The following TM4SF4 variants were observed in gnomAD, a reference collection of about 807,000 sequenced individuals.
The protein encoded by TM4SF4 is transmembrane 4 L six family member 4.
A neutral mutation model predicts 24.1 loss-of-function variants in TM4SF4; 24 were observed. That is an observed-to-expected ratio of 1.00 (90% CI 0.72 to 1.40). The LOEUF (loss-of-function observed/expected upper bound fraction) is 1.40, where lower values mean the gene tolerates loss of function less well. TM4SF4 is among the 40% of genes most tolerant of loss of function. The probability of loss-of-function intolerance (pLI) is 0.00; values close to 1 mark genes in which losing one functional copy is unlikely to be tolerated. For missense variants in TM4SF4, 254 were observed against 254.2 expected (o/e 1.00, Z 0.01); for synonymous variants, 113 against 97.0 (o/e 1.17, Z -0.97).
intron 3 of TM4SF4, among the ~76,000 whole-genome samples, chr3:149,490,663 T>C (rs1734193548): frequency 6.6e-6 from 1 of 152,202 alleles, no homozygotes; most frequent in African/African-American, 2.4e-5. Flanking sequence ...TACCTCCTAC[T>C]CCTTTTACTA....
intron 3 of TM4SF4, among the ~76,000 whole-genome samples, chr3:149,490,479 A>C (rs78927161): frequency 6.6e-6 from 1 of 152,314 alleles, no homozygotes; most frequent in South Asian, 2.1e-4. Flanking sequence ...CAGGACAGCC[A>C]AGGCCCAGAG....
intron 2 of TM4SF4, among the ~76,000 whole-genome samples, chr3:149,484,873 A>G (rs1734090756): frequency 6.6e-6 from 1 of 152,172 alleles, no homozygotes; most frequent in African/African-American, 2.4e-5. Flanking sequence ...TTAAACTATA[A>G]CAAGGCCTAG....
Position 149,498,790 on chromosome 3 carries a change from T to G in TM4SF4, c.470T>G (p.Leu157Arg). 6.2e-7 allele frequency: 1 copy of G among 1,614,040 alleles called. No individual in the cohort carries two copies. Among genetic ancestry groups the G allele is most frequent in the East Asian group, 2.2e-5 (1 of 44,884 alleles). The change falls in exon 4 of 5, where the codon CTG (leucine) becomes CGG (arginine). Residue 157 changes from leucine (L) to arginine (R), a missense_variant. Coordinates refer to ENST00000305354, the MANE Select transcript of TM4SF4 (RefSeq NM_004617.4). Reference sequence around the variant, plus strand: ...CCTCTCAATGTGGTTCCCTGGAATCTGACCCTCTTCTCCATCCTGCTGGTC... The same window carrying G: ...CCTCTCAATGTGGTTCCCTGGAATCGGACCCTCTTCTCCATCCTGCTGGTC... ...REPLNVVPWNLTLFSILLVVG... is the reference protein window; with the variant it reads ...REPLNVVPWNRTLFSILLVVG...
intron 3 of TM4SF4, among the ~76,000 whole-genome samples, chr3:149,488,898 A>G (rs1446601590): frequency 6.6e-6 from 1 of 152,166 alleles, no homozygotes; most frequent in East Asian, 1.9e-4. Context: ...ACACCAATAT[A>G]TTAACTCAAA....
intron 3 of TM4SF4, among the ~76,000 whole-genome samples, chr3:149,490,168 G>C (rs1018056067): frequency 7.2e-5 from 11 of 152,190 alleles, no homozygotes; most frequent in Non-Finnish European, 1.2e-4. Flanking sequence ...GCATTCAGGG[G>C]ATGGGCCCAG....
At chr3:149,485,234 T>C (rs1399547796) in intron 2 of TM4SF4, among the ~76,000 whole-genome samples, 1 of 152,250 alleles carries the variant, frequency 6.6e-6, no homozygotes, top group Non-Finnish European at 1.5e-5. Context: ...ACTATATTTT[T>C]AGAAGTGCAG....
rs1734131999 is a variant in TM4SF4 at position 149,487,227 on chromosome 3, A to G, written c.265-392A>G. On this transcript the variant is annotated intron_variant, in intron 2 of 4. Transcript: ENST00000305354. ...CTGAGATCACACCATTGCACTCCAGACTGAGCGACAAGGGTGAAACTCCGT... is the reference window on the plus strand; with the variant it reads ...CTGAGATCACACCATTGCACTCCAGGCTGAGCGACAAGGGTGAAACTCCGT... 2.0e-5 allele frequency among the ~76,000 whole-genome samples: 3 copies of G among 152,158 alleles called. 1 individual carries two copies. The South Asian group carries it at 6.2e-4, about 32-fold the overall frequency.
At chr3:149,496,244 C>G (rs1283844139) in intron 3 of TM4SF4, among the ~76,000 whole-genome samples, 2 of 151,866 alleles carry the variant, frequency 1.3e-5, no homozygotes, top group Admixed American at 6.6e-5. Flanking sequence ...GGGTCTCACT[C>G]TGTCACCCAG....
chr3:149,502,538 A>C, intron 4 of TM4SF4, 138 bp from the exon 5 acceptor site: 1 of 669,174 alleles, frequency 1.5e-6, no homozygotes, highest in East Asian at 2.6e-5. Context: ...AAACAAAGCC[A>C]GAAAAGTATA....
At chr3:149,475,801 G>C (rs1733917564) in intron 1 of TM4SF4, 22 bp from the exon 2 acceptor site, 2 of 1,591,808 alleles carry the variant, frequency 1.3e-6, no homozygotes, top group Non-Finnish European at 1.7e-6. Context: ...GACTCTCTCT[G>C]AGGTGCCTCT....
chr3:149,478,566 C>T lies in TM4SF4; in HGVS notation c.264+2654C>T, dbSNP rs78270114. 5.3e-5 allele frequency among the ~76,000 whole-genome samples: 8 copies of T among 152,318 alleles called. No individual in the cohort carries two copies. In the East Asian group the frequency reaches 1.5e-3, roughly 29 times the overall value. On this transcript the variant is annotated intron_variant, in intron 2 of 4. Coordinates refer to ENST00000305354, the MANE Select transcript of TM4SF4 (RefSeq NM_004617.4). ...GGGCTGTCTAAGCCTCCATGTGGAA[C>T]CTGCCCTTGGCATGAATTGAGGATA...
intron 2 of TM4SF4, among the ~76,000 whole-genome samples, chr3:149,481,431 T>C (rs1441801045): frequency 6.6e-6 from 1 of 152,174 alleles, no homozygotes; most frequent in Non-Finnish European, 1.5e-5. Flanking sequence ...GAATTCAGCA[T>C]TAAACTCCTC....
chr3:149,491,842 G>C (rs1734215539), intron 3 of TM4SF4, among the ~76,000 whole-genome samples: 2 of 152,260 alleles, frequency 1.3e-5, no homozygotes, highest in South Asian at 4.1e-4. Context: ...CACATTTCAG[G>C]CATGAAAAGG....
intron 3 of TM4SF4, among the ~76,000 whole-genome samples, chr3:149,493,586 C>T (rs1307175748): frequency 2.0e-5 from 3 of 152,214 alleles, no homozygotes; most frequent in African/African-American, 7.2e-5. Flanking sequence ...TGATGGAAAG[C>T]AGCTAGCCCA....
In TM4SF4 at chr3:149,475,927, G is replaced by T. The variant is rs369550019; in HGVS notation, c.264+15G>T. ...AGCGATTTGCGGTGAGTTACCATGGGGGGCAGCTACTAGAATTACTCCAGG... is the reference window on the plus strand; with the variant it reads ...AGCGATTTGCGGTGAGTTACCATGGTGGGCAGCTACTAGAATTACTCCAGG... On this transcript the variant is annotated intron_variant, in intron 2 of 4. Coordinates refer to ENST00000305354, the MANE Select transcript of TM4SF4 (RefSeq NM_004617.4). The T allele has an allele frequency of 6.2e-7, 1 of 1,602,870 alleles. No individual in the cohort carries two copies. The highest frequency in any genetic ancestry group is 8.5e-7 in the Non-Finnish European group (1 of 1,173,560).
At chr3:149,484,418 C>T (rs1266886311) in intron 2 of TM4SF4, among the ~76,000 whole-genome samples, 4 of 152,186 alleles carry the variant, frequency 2.6e-5, no homozygotes, top group African/African-American at 9.7e-5. Context: ...GACTCTCGCT[C>T]TGTCACCCAG....
At chr3:149,495,144 G>A in intron 3 of TM4SF4, 1 of 237,066 alleles carries the variant, frequency 4.2e-6, no homozygotes, top group Non-Finnish European at 8.5e-6. Context: ...AGAGACATGA[G>A]AAAATCATTA....
At chr3:149,486,857 G>A (rs1178019102) in intron 2 of TM4SF4, among the ~76,000 whole-genome samples, 1 of 152,170 alleles carries the variant, frequency 6.6e-6, no homozygotes, top group African/African-American at 2.4e-5. Flanking sequence ...GGGCCAATGA[G>A]GAGGGGTTCT....
At chr3:149,492,562 C>G (rs1025560408) in intron 3 of TM4SF4, among the ~76,000 whole-genome samples, 1 of 151,954 alleles carries the variant, frequency 6.6e-6, no homozygotes, top group Admixed American at 6.6e-5. Flanking sequence ...TGGGGACAGC[C>G]ATAGGAGGGG....
Sources: gnomAD v4.1 joint callset for allele counts (sites outside exome capture counted in the v4.1 genomes callset) on GRCh38, gnomAD v4.1.1 for gene constraint, MANE v1.5 for transcripts, NCBI Gene and HGNC (gene_info 2026-07-23, HGNC 2026-07-21) for gene names.